Variants in CNTLN observed in about 807,000 individuals in gnomAD.
CNTLN encodes centlein, also known as centlein, centrosomal protein.
CNTLN carries 212 observed loss-of-function variants against 180.0 expected under a neutral mutation model. That is an observed-to-expected ratio of 1.18 (90% CI 1.05 to 1.32). CNTLN has a LOEUF of 1.32. Among genes scored for constraint, CNTLN ranks in the 40% most tolerant of loss-of-function variants. The pLI is 0.00. For missense variants in CNTLN, 2,095 were observed against 1,610.9 expected (o/e 1.30, Z -5.14); for synonymous variants, 722 against 563.1 (o/e 1.28, Z -3.99).
At chr9:17,451,041 A>G (rs1442496257) in intron 18 of CNTLN, among the ~76,000 whole-genome samples, 1 of 152,152 alleles carries the variant, frequency 6.6e-6, no homozygotes, top group East Asian at 1.9e-4. Flanking sequence ...GATAACTCAT[A>G]CATTTGAATT....
chr9:17,332,149 G>T (rs1002164968), intron 9 of CNTLN, among the ~76,000 whole-genome samples: 2 of 151,972 alleles, frequency 1.3e-5, no homozygotes, highest in South Asian at 2.1e-4. Context: ...ACTGTCTGTT[G>T]TATTTATATT....
At chr9:17,366,862 A>G (rs1306701542) in intron 13 of CNTLN, 145 bp downstream of exon 13, 4 of 531,696 alleles carry the variant, frequency 7.5e-6, no homozygotes, top group Non-Finnish European at 1.3e-5. Flanking sequence ...TAACATTTTC[A>G]TCCTGAGAAA....
chr9:17,209,079 A>G (rs555190593), intron 2 of CNTLN, among the ~76,000 whole-genome samples: 3 of 152,228 alleles, frequency 2.0e-5, no homozygotes, highest in South Asian at 4.1e-4. Flanking sequence ...GCTTATAACT[A>G]TAAACTTTCC....
At chr9:17,266,659 T>A (rs1752335204) in intron 5 of CNTLN, among the ~76,000 whole-genome samples, 1 of 152,154 alleles carries the variant, frequency 6.6e-6, no homozygotes, top group Non-Finnish European at 1.5e-5. Context: ...CCCATTATTA[T>A]TGTGTGGGAG....
chr9:17,465,888 A>T, intron 21 of CNTLN, 93 bp from the exon 22 acceptor site: 5 of 826,794 alleles, frequency 6.0e-6, no homozygotes, highest in South Asian at 2.0e-5. Context: ...ATGGAAGTAG[A>T]CTCATTCACT....
chr9:17,171,906 A>G (rs1253596045), intron 2 of CNTLN, among the ~76,000 whole-genome samples: 3 of 152,082 alleles, frequency 2.0e-5, no homozygotes, highest in African/African-American at 7.2e-5. Context: ...ACATTAGAGT[A>G]GCCATGGAGC....
At chr9:17,504,639 A>G (rs948144501), downstream of CNTLN, among the ~76,000 whole-genome samples, 1 of 152,194 alleles carries the variant, frequency 6.6e-6, no homozygotes, top group African/African-American at 2.4e-5. Flanking sequence ...TGCTCTTATG[A>G]GAGGGAGGTA....
At chr9:17,306,384 G>A (rs1277348196) in intron 7 of CNTLN, among the ~76,000 whole-genome samples, 1 of 152,142 alleles carries the variant, frequency 6.6e-6, no homozygotes, top group Non-Finnish European at 1.5e-5. Flanking sequence ...CCCGTCGTCA[G>A]GTGATCCGCC....
chr9:17,390,233 CTCTTTTTTTTT>C (rs1453491393), intron 14 of CNTLN, among the ~76,000 whole-genome samples: 2 of 65,970 alleles, frequency 3.0e-5, no homozygotes, highest in African/African-American at 4.8e-5. Context: ...TGAAAAGAGC[CTCTTTTTTTTT>C]TTTTTTTTTT....
intron 2 of CNTLN, among the ~76,000 whole-genome samples, chr9:17,160,580 C>T (rs1819611428): frequency 6.6e-6 from 1 of 152,160 alleles, no homozygotes; most frequent in Non-Finnish European, 1.5e-5. Flanking sequence ...ACTTTCAAAT[C>T]CTCTATCTTG....
chr9:17,421,401 T>C (rs909030312), intron 18 of CNTLN, among the ~76,000 whole-genome samples: 2 of 152,124 alleles, frequency 1.3e-5, no homozygotes, highest in East Asian at 3.8e-4. Flanking sequence ...TGTTCTTTTT[T>C]GGTTTCCACT....
At chr9:17,401,233 A>G (rs1451010314) in intron 15 of CNTLN, among the ~76,000 whole-genome samples, 1 of 152,154 alleles carries the variant, frequency 6.6e-6, no homozygotes, top group Admixed American at 6.5e-5. Context: ...CATGTTGTTA[A>G]GTTTTTGATG....
intron 19 of CNTLN, among the ~76,000 whole-genome samples, chr9:17,458,691 A>G (rs1463634229): frequency 2.0e-5 from 3 of 151,936 alleles, no homozygotes; most frequent in Non-Finnish European, 4.4e-5. Context: ...TGAGTTTATT[A>G]TTGCTTGAAA....
chr9:17,511,702 G>A, the CNTLN span, among the ~76,000 whole-genome samples: 5 of 150,958 alleles, frequency 3.3e-5, no homozygotes, highest in African/African-American at 1.2e-4. Flanking sequence ...ACACACACCA[G>A]GAGGGGATTA....
rs539180373 is a variant in CNTLN at position 17,264,891 on chromosome 9, G to T, written c.850-8842G>T. Among the ~76,000 whole-genome samples the T allele has an allele frequency of 2.0e-5, 3 of 150,896 alleles. No individual in the cohort carries two copies. In the South Asian group the frequency reaches 6.5e-4, roughly 33 times the overall value. On this transcript the variant is annotated intron_variant, in intron 5 of 25. Coordinates refer to ENST00000380647, the MANE Select transcript of CNTLN (RefSeq NM_017738.4). ...CTTGTGATTTTTGTACATTGATTTTGTATCCTGAGACTTTGCCGAAGTTGC... is the reference window on the plus strand; with the variant it reads ...CTTGTGATTTTTGTACATTGATTTTTTATCCTGAGACTTTGCCGAAGTTGC...
At chr9:17,206,081 C>T (rs1040644078) in intron 2 of CNTLN, among the ~76,000 whole-genome samples, 4 of 152,090 alleles carry the variant, frequency 2.6e-5, no homozygotes, top group South Asian at 2.1e-4. Context: ...AGCCAACTGC[C>T]GTCAGTGCTG....
chr9:17,166,915 A>G, intron 2 of CNTLN: 1 of 458,040 alleles, frequency 2.2e-6, no homozygotes, highest in Non-Finnish European at 4.5e-6. Context: ...CATGAATAAT[A>G]TAAAGATATT....
chr9:17,287,420 T>A (rs947896982), intron 6 of CNTLN, among the ~76,000 whole-genome samples: 1 of 151,218 alleles, frequency 6.6e-6, no homozygotes, highest in African/African-American at 2.4e-5. Flanking sequence ...AGTATTTTAT[T>A]CAGGATTTTT....
At chr9:17,290,312 A>G (rs1829287932) in intron 6 of CNTLN, among the ~76,000 whole-genome samples, 1 of 151,494 alleles carries the variant, frequency 6.6e-6, no homozygotes, top group Non-Finnish European at 1.5e-5. Flanking sequence ...CCTCCCAGTT[A>G]GGCTGCTCGG....
Sources: allele counts gnomAD v4.1 joint callset (sites outside exome capture counted in the v4.1 genomes callset), GRCh38; gene constraint gnomAD v4.1.1; transcripts MANE v1.5; gene names NCBI Gene and HGNC (gene_info 2026-07-23, HGNC 2026-07-21).